Variants in PTPRD observed in about 807,000 individuals in gnomAD.
PTPRD encodes protein tyrosine phosphatase receptor type D, also known as receptor-type tyrosine-protein phosphatase delta.
Under a neutral mutation model 214.5 loss-of-function variants are expected in PTPRD, and 34 were observed. The ratio of observed to expected loss-of-function variants is 0.16; its 90% CI spans 0.12 to 0.21. The LOEUF (loss-of-function observed/expected upper bound fraction) is 0.21. Ranked by LOEUF, PTPRD falls within the 10% of genes least tolerant of loss-of-function variation. PTPRD has a pLI of 1.00. For synonymous variants in PTPRD, 1,128 were observed against 845.7 expected (o/e 1.33, Z -5.79); for missense variants, 2,545 against 2,398.7 (o/e 1.06, Z -1.27).
At chr9:8,893,079 G>A (rs1013240371) in intron 11 of PTPRD, among the ~76,000 whole-genome samples, 4 of 152,052 alleles carry the variant, frequency 2.6e-5, no homozygotes, top group Non-Finnish European at 5.9e-5. Context: ...GAGATGAACA[G>A]TTTAGACATT....
intron 2 of PTPRD, among the ~76,000 whole-genome samples, chr9:10,443,886 T>G (rs2098779482): frequency 6.7e-6 from 1 of 150,264 alleles, no homozygotes; most frequent in South Asian, 2.1e-4. Flanking sequence ...CAACCTCTTA[T>G]GAGAAATCCT....
At chr9:9,145,565 C>A (rs2099867247) in intron 10 of PTPRD, among the ~76,000 whole-genome samples, 1 of 151,986 alleles carries the variant, frequency 6.6e-6, no homozygotes, top group Admixed American at 6.6e-5. Context: ...CCCCTCCTCA[C>A]CCCCAACCCG....
Position 9,091,278 on chromosome 9 carries a change from A to T in PTPRD, c.-142-72543T>A, listed in dbSNP as rs377708328. On this transcript the variant is annotated intron_variant, in intron 10 of 45. Coordinates refer to ENST00000381196, the MANE Select transcript of PTPRD (RefSeq NM_002839.4). ...AGTTCTTAAAGACTGAAGACAGGCT[A>T]TTCTCTGGAGAAAAATAAAATGGAA... 269 of 1,187,138 alleles carry T rather than the reference A, an allele frequency of 2.3e-4. 5 individuals are homozygous for T. In the South Asian group the frequency reaches 3.1e-3, roughly 14 times the overall value. The allele number at this position is 1,187,138 out of a possible 1,614,324, so 73.5% of individuals were successfully genotyped here.
At chr9:9,179,795 C>T (rs917963554) in intron 10 of PTPRD, among the ~76,000 whole-genome samples, 1 of 152,008 alleles carries the variant, frequency 6.6e-6, no homozygotes, top group African/African-American at 2.4e-5. Flanking sequence ...TCTGAAGTTT[C>T]ACCTGGGTTT....
chr9:10,602,048 T>C (rs1282954098), intron 2 of PTPRD, among the ~76,000 whole-genome samples: 1 of 151,744 alleles, frequency 6.6e-6, no homozygotes, highest in Non-Finnish European at 1.5e-5. Flanking sequence ...ACAAAACAAC[T>C]CAACTTTAAC....
intron 12 of PTPRD, among the ~76,000 whole-genome samples, chr9:8,647,589 T>A (rs979407389): frequency 1.3e-5 from 2 of 152,234 alleles, no homozygotes; most frequent in Non-Finnish European, 2.9e-5. Flanking sequence ...CTTCAAAACT[T>A]TTTTGTAATC....
chr9:10,065,180 A>AAAGAAAGAAAGAAAGGAAGG (rs147434150), intron 3 of PTPRD, among the ~76,000 whole-genome samples: 1 of 150,196 alleles, frequency 6.7e-6, no homozygotes, highest in Non-Finnish European at 1.5e-5. Flanking sequence ...AGAAAGAAAG[A>AAAGAAAGAAAGAAAGGAAGG]AAGAAAGAAA....
At chr9:10,456,124 C>G (rs1277106358) in intron 2 of PTPRD, among the ~76,000 whole-genome samples, 2 of 151,928 alleles carry the variant, frequency 1.3e-5, no homozygotes, top group African/African-American at 4.8e-5. Context: ...ATTAAGTAAA[C>G]TACTTCAGAC....
chr9:8,544,518 G>C (rs1284227729), intron 14 of PTPRD, among the ~76,000 whole-genome samples: 1 of 137,964 alleles, frequency 7.2e-6, no homozygotes, highest in Non-Finnish European at 1.5e-5. Context: ...TGTCCAGGCT[G>C]AAGTGCAGGG....
chr9:8,936,549 T>G (rs2098999414), intron 11 of PTPRD, among the ~76,000 whole-genome samples: 1 of 152,162 alleles, frequency 6.6e-6, no homozygotes, highest in South Asian at 2.1e-4. Context: ...CTATAATTGG[T>G]TTAGTTTTCA....
At chr9:9,325,889 G>GT (rs1969836516) in intron 9 of PTPRD, among the ~76,000 whole-genome samples, 1 of 152,170 alleles carries the variant, frequency 6.6e-6, no homozygotes, top group South Asian at 2.1e-4. Context: ...TTTATTGAGA[G>GT]TTTTTAGCAT....
chr9:10,544,118 C>T (rs559921471), intron 2 of PTPRD, among the ~76,000 whole-genome samples: 2 of 152,244 alleles, frequency 1.3e-5, no homozygotes, highest in East Asian at 3.9e-4. Flanking sequence ...TTGTCCTTCC[C>T]TACTTTATAA....
chr9:9,075,491 C>A (rs1443717200), intron 10 of PTPRD, among the ~76,000 whole-genome samples: 3 of 152,026 alleles, frequency 2.0e-5, no homozygotes, highest in African/African-American at 7.2e-5. Flanking sequence ...ATACATGTGT[C>A]ATGTTGATGT....
At chr9:8,550,705 A>G (rs2081809329) in intron 14 of PTPRD, among the ~76,000 whole-genome samples, 1 of 152,216 alleles carries the variant, frequency 6.6e-6, no homozygotes, top group Non-Finnish European at 1.5e-5. Flanking sequence ...AATGTAACTG[A>G]TAGTATAAAA....
At chr9:9,735,132 T>G (rs1048643883) in intron 6 of PTPRD, among the ~76,000 whole-genome samples, 1 of 152,116 alleles carries the variant, frequency 6.6e-6, no homozygotes, top group African/African-American at 2.4e-5. Context: ...TAAAGGTGTT[T>G]GAAGTTCAAA....
At chr9:8,681,846 C>G (rs2097556029) in intron 12 of PTPRD, among the ~76,000 whole-genome samples, 1 of 152,152 alleles carries the variant, frequency 6.6e-6, no homozygotes, top group Non-Finnish European at 1.5e-5. Flanking sequence ...GATTGCCCTT[C>G]CCCACTTAAA....
At chr9:8,391,317 T>A (rs1024746375) in intron 36 of PTPRD, among the ~76,000 whole-genome samples, 4 of 152,102 alleles carry the variant, frequency 2.6e-5, no homozygotes, top group Non-Finnish European at 5.9e-5. Context: ...CACACGGATA[T>A]GGAATACCAC....
intron 2 of PTPRD, among the ~76,000 whole-genome samples, chr9:10,548,397 A>G (rs767541804): frequency 6.6e-6 from 1 of 152,148 alleles, no homozygotes. Context: ...TCTACTTCAT[A>G]TATCAGGCCT....
intron 5 of PTPRD, among the ~76,000 whole-genome samples, chr9:9,836,315 C>T (rs2056750399): frequency 6.6e-6 from 1 of 152,108 alleles, no homozygotes; most frequent in Admixed American, 6.6e-5. Context: ...ATCATGTAGA[C>T]AATATCAGGT....
Sources: allele counts gnomAD v4.1 joint callset (sites outside exome capture counted in the v4.1 genomes callset), GRCh38; gene constraint gnomAD v4.1.1; transcripts MANE v1.5; gene names NCBI Gene and HGNC (gene_info 2026-07-23, HGNC 2026-07-21).